Variants in MROH9 observed in about 807,000 individuals in gnomAD.
MROH9 encodes maestro heat like repeat family member 9.
A neutral mutation model predicts 98.2 loss-of-function variants in MROH9; 92 were observed. The ratio of observed to expected loss-of-function variants is 0.94; its 90% CI spans 0.79 to 1.11. The LOEUF is 1.11. Among genes scored for constraint, MROH9 ranks in the 50% most tolerant of loss-of-function variants. The pLI, the probability that MROH9 is intolerant of heterozygous loss-of-function variation, is 0.00. For missense variants in MROH9, 1,057 were observed against 1,014.8 expected, an observed-to-expected ratio of 1.04 and a Z score of -0.57; for synonymous variants, 397 against 368.9, an observed-to-expected ratio of 1.08 and a Z score of -0.87.
intron 2 of MROH9, among the ~76,000 whole-genome samples, chr1:170,946,780 A>G (rs1649346491): frequency 6.6e-6 from 1 of 152,092 alleles, no homozygotes; most frequent in Non-Finnish European, 1.5e-5. Flanking sequence ...AAAGGAAAAC[A>G]TAACAGTTTC....
chr1:170,965,313 T>C (rs2101897182), intron 7 of MROH9, 58 bp downstream of exon 7: 1 of 1,167,920 alleles, frequency 8.6e-7, no homozygotes, highest in Non-Finnish European at 1.3e-6. Flanking sequence ...TCCATAGTGC[T>C]GCTTTCCATG....
chr1:171,020,018 G>T (rs76771114), intron 17 of MROH9, among the ~76,000 whole-genome samples: 3,506 of 152,186 alleles, frequency 0.023, 49 homozygotes, highest in Middle Eastern at 0.068. Flanking sequence ...AAATCAAGAA[G>T]AAATGGGTAA....
At chr1:170,950,381 A>G (rs750188984) in intron 3 of MROH9, among the ~76,000 whole-genome samples, 1 of 152,142 alleles carries the variant, frequency 6.6e-6, no homozygotes, top group Non-Finnish European at 1.5e-5. Flanking sequence ...ACAGCCATCT[A>G]TCAGGGAAAG....
chr1:171,028,941 A>G (rs1467040384), intron 20 of MROH9, among the ~76,000 whole-genome samples: 1 of 152,232 alleles, frequency 6.6e-6, no homozygotes, highest in Non-Finnish European at 1.5e-5. Context: ...TTCTAAATAT[A>G]GAATCATGCA....
intron 1 of MROH9, among the ~76,000 whole-genome samples, chr1:170,936,477 T>A (rs1294197674): frequency 6.6e-6 from 1 of 152,166 alleles, no homozygotes; most frequent in Non-Finnish European, 1.5e-5. Context: ...GGGAGTGTCA[T>A]CTCCTATCAT....
chr1:170,987,503 C>T (rs1006878496), intron 10 of MROH9, among the ~76,000 whole-genome samples: 3 of 152,182 alleles, frequency 2.0e-5, no homozygotes, highest in African/African-American at 7.2e-5. Context: ...GTCTCTCTCT[C>T]TCAATTCTTC....
chr1:171,061,861 A>T (rs538613341), intron 20 of MROH9, among the ~76,000 whole-genome samples: 3 of 152,294 alleles, frequency 2.0e-5, no homozygotes, highest in East Asian at 1.9e-4. Context: ...ATGCTGCTAA[A>T]ACTCTATTTA....
chr1:170,991,053 C>T (rs1478039508), intron 11 of MROH9, among the ~76,000 whole-genome samples: 4 of 152,032 alleles, frequency 2.6e-5, no homozygotes, highest in Non-Finnish European at 5.9e-5. Context: ...TATTACTGGC[C>T]CTCAAGCATT....
chr1:170,971,015 A>G (rs1031113449), intron 7 of MROH9, among the ~76,000 whole-genome samples: 17 of 152,192 alleles, frequency 1.1e-4, no homozygotes, highest in African/African-American at 3.9e-4. Flanking sequence ...TGTCTAAAAA[A>G]AGACATGCAA....
intron 15 of MROH9, among the ~76,000 whole-genome samples, chr1:171,004,894 G>T (rs1407816830): frequency 6.6e-6 from 1 of 151,992 alleles, no homozygotes; most frequent in Non-Finnish European, 1.5e-5. Context: ...AATATATTTT[G>T]AAATCAGGAA....
intron 8 of MROH9, among the ~76,000 whole-genome samples, chr1:170,972,855 C>CACACAT (rs1368735567): frequency 1.3e-5 from 2 of 148,504 alleles, no homozygotes; most frequent in Non-Finnish European, 3.0e-5. Flanking sequence ...CACACACACA[C>CACACAT]ACACAGAGTT....
intron 17 of MROH9, among the ~76,000 whole-genome samples, chr1:171,019,916 A>G (rs1652458765): frequency 6.6e-6 from 1 of 152,156 alleles, no homozygotes; most frequent in South Asian, 2.1e-4. Context: ...AGACACAATA[A>G]AAAATGATAA....
chr1:170,937,515 ATTTTTTTT>A (rs71125282), intron 1 of MROH9, among the ~76,000 whole-genome samples: 4 of 113,552 alleles, frequency 3.5e-5, no homozygotes. Context: ...CATAATCAGT[ATTTTTTTT>A]TTTTTTTTTT....
intron 17 of MROH9, among the ~76,000 whole-genome samples, chr1:171,019,014 A>C (rs1300911065): frequency 6.6e-6 from 1 of 152,230 alleles, no homozygotes; most frequent in Non-Finnish European, 1.5e-5. Context: ...CAGAATGTAC[A>C]TTCTTCTCAG....
chr1:171,020,618 A>G (rs1652485497), intron 17 of MROH9, among the ~76,000 whole-genome samples: 1 of 152,202 alleles, frequency 6.6e-6, no homozygotes, highest in Non-Finnish European at 1.5e-5. Flanking sequence ...ATATTTCAAA[A>G]TAATAAGAGC....
At chr1:170,939,225 T>C (rs1255338892) in intron 1 of MROH9, among the ~76,000 whole-genome samples, 1 of 152,258 alleles carries the variant, frequency 6.6e-6, no homozygotes, top group Admixed American at 6.5e-5. Context: ...TCTGACCATC[T>C]AGAAAAATCA....
intron 6 of MROH9, among the ~76,000 whole-genome samples, chr1:170,963,642 C>A (rs1032555960): frequency 6.6e-6 from 1 of 152,068 alleles, no homozygotes; most frequent in Non-Finnish European, 1.5e-5. Context: ...CCATGGGATA[C>A]TATGCAGCCA....
At chr1:170,966,902 A>T (rs1333608017) in intron 7 of MROH9, among the ~76,000 whole-genome samples, 1 of 152,118 alleles carries the variant, frequency 6.6e-6, no homozygotes, top group African/African-American at 2.4e-5. Flanking sequence ...CAGCTCCTAA[A>T]ATGTGTTATA....
intron 17 of MROH9, among the ~76,000 whole-genome samples, chr1:171,019,138 A>G (rs539539970): frequency 5.6e-4 from 85 of 152,382 alleles, no homozygotes; most frequent in African/African-American, 2.0e-3. Flanking sequence ...GTGCAATCAC[A>G]TTAGAGCTCA....
Sources: allele counts gnomAD v4.1 joint callset (sites outside exome capture counted in the v4.1 genomes callset), GRCh38; gene constraint gnomAD v4.1.1; transcripts MANE v1.5; gene names NCBI Gene and HGNC (gene_info 2026-07-23, HGNC 2026-07-21).